The following RIT2 variants were observed in gnomAD, a reference collection of about 807,000 sequenced individuals.
RIT2 encodes the protein GTP-binding protein Rit2.
RIT2 carries 24 observed loss-of-function variants against 23.7 expected under a neutral mutation model. The ratio of observed to expected loss-of-function variants is 1.01; its 90% CI spans 0.73 to 1.43. The LOEUF (loss-of-function observed/expected upper bound fraction) is 1.43, where lower values mean the gene tolerates loss of function less well. Ranked by LOEUF, RIT2 falls within the 40% of genes most tolerant of loss-of-function variation. The pLI, the probability that RIT2 is intolerant of heterozygous loss-of-function variation, is 0.00. For synonymous variants in RIT2, 107 were observed against 91.1 expected, an observed-to-expected ratio of 1.17 and a Z score of -0.99; for missense variants, 236 against 266.9, an observed-to-expected ratio of 0.88 and a Z score of 0.81.
intron 1 of RIT2, among the ~76,000 whole-genome samples, chr18:43,110,041 A>C (rs1442559880): frequency 2.0e-5 from 3 of 152,130 alleles, no homozygotes; most frequent in African/African-American, 7.2e-5. Flanking sequence ...CTGTGCTTAG[A>C]TACCTCTCCT....
intron 4 of RIT2, among the ~76,000 whole-genome samples, chr18:42,803,262 T>C (rs1278831472): frequency 6.6e-6 from 1 of 152,222 alleles, no homozygotes; most frequent in Non-Finnish European, 1.5e-5. Context: ...TGCCAAATTT[T>C]CTCAGTCTCA....
At chr18:42,796,724 A>G (rs1206222815) in intron 4 of RIT2, among the ~76,000 whole-genome samples, 1 of 152,196 alleles carries the variant, frequency 6.6e-6, no homozygotes, top group East Asian at 1.9e-4. Context: ...TTCATGGAAG[A>G]GTTTCTGAAT....
intron 2 of RIT2, among the ~76,000 whole-genome samples, chr18:42,987,764 G>A (rs1395465916): frequency 6.6e-6 from 1 of 152,138 alleles, no homozygotes; most frequent in Non-Finnish European, 1.5e-5. Flanking sequence ...AAAAGCATGA[G>A]GTGAACATCT....
intron 2 of RIT2, among the ~76,000 whole-genome samples, chr18:43,011,018 G>T (rs576382074): frequency 6.6e-6 from 1 of 151,884 alleles, no homozygotes; most frequent in Admixed American, 6.6e-5. Context: ...TGCAAGAAAA[G>T]ATAACGGTTA....
chr18:42,787,136 C>T (rs1257668624), intron 4 of RIT2, among the ~76,000 whole-genome samples: 8 of 105,958 alleles, frequency 7.6e-5, no homozygotes, highest in African/African-American at 2.6e-4. Flanking sequence ...CCCCTCCCCC[C>T]ACCCCACGAC....
chr18:42,847,305 A>G (rs1906936905), intron 4 of RIT2, among the ~76,000 whole-genome samples: 1 of 152,184 alleles, frequency 6.6e-6, no homozygotes, highest in African/African-American at 2.4e-5. Context: ...CCTGACAACC[A>G]TAATCATTCA....
intron 1 of RIT2, among the ~76,000 whole-genome samples, chr18:43,095,699 CT>C (rs1167639224): frequency 4.6e-5 from 7 of 151,928 alleles, no homozygotes; most frequent in Admixed American, 2.6e-4. Flanking sequence ...ACTTACTTAT[CT>C]GCAGTATAAC....
At chr18:43,057,798 C>CTTTTTTTTTTTT (rs11393575) in intron 1 of RIT2, among the ~76,000 whole-genome samples, 5,609 of 121,482 alleles carry the variant, frequency 0.046, 449 homozygotes, top group Non-Finnish European at 0.058. Flanking sequence ...GTGATGGACA[C>CTTTTTTTTTTTT]TTTTTTTTTT....
intron 4 of RIT2, among the ~76,000 whole-genome samples, chr18:42,750,748 A>C (rs2143882488): frequency 6.6e-6 from 1 of 151,958 alleles, no homozygotes. Flanking sequence ...GACTTGTATT[A>C]GTTTTTGGTT....
At chr18:42,862,018 T>G (rs895213582) in intron 4 of RIT2, among the ~76,000 whole-genome samples, 1 of 152,194 alleles carries the variant, frequency 6.6e-6, no homozygotes, top group Non-Finnish European at 1.5e-5. Context: ...GAGGAGAGGA[T>G]CTGGTATGTT....
chr18:42,921,533 A>T (rs1909056411), intron 4 of RIT2, among the ~76,000 whole-genome samples: 1 of 152,120 alleles, frequency 6.6e-6, no homozygotes, highest in Non-Finnish European at 1.5e-5. Context: ...CCTTTGTGAG[A>T]TCCTAAGTAT....
intron 4 of RIT2, among the ~76,000 whole-genome samples, chr18:42,816,489 A>T (rs1291109869): frequency 6.6e-6 from 1 of 152,188 alleles, no homozygotes; most frequent in Non-Finnish European, 1.5e-5. Flanking sequence ...GAGTCAAGAG[A>T]TGTATTATCT....
intron 3 of RIT2, among the ~76,000 whole-genome samples, chr18:42,937,858 A>G (rs1037660352): frequency 1.9e-4 from 29 of 152,198 alleles, no homozygotes; most frequent in African/African-American, 6.8e-4. Context: ...TAGGGAGATA[A>G]GAGGATAAAT....
intron 1 of RIT2, among the ~76,000 whole-genome samples, chr18:43,051,303 T>C (rs1912377852): frequency 6.6e-6 from 1 of 152,142 alleles, no homozygotes; most frequent in Non-Finnish European, 1.5e-5. Flanking sequence ...GGGGAGAGAT[T>C]TTTCCATTAC....
chr18:42,768,128 AT>A (rs534781138), intron 4 of RIT2, among the ~76,000 whole-genome samples: 1 of 152,086 alleles, frequency 6.6e-6, no homozygotes, highest in Admixed American at 6.6e-5. Context: ...AGATGCAGTG[AT>A]TTTTTAAATA....
Position 42,830,609 on chromosome 18 carries a change from A to C in RIT2, c.427-86889T>G, listed in dbSNP as rs74996794. Among the ~76,000 whole-genome samples, 845 of 152,290 alleles carry C rather than the reference A, an allele frequency of 5.5e-3. 5 individuals are homozygous for C. Among genetic ancestry groups the C allele is most frequent in the African/African-American group, 0.019 (805 of 41,554 alleles). On this transcript the variant is annotated intron_variant, in intron 4 of 4. Transcript: ENST00000326695. ...ATAGAGCCAAGCTCTACAGGAACTA[A>C]ATCAAGACAGGAATTTACTAATAAT...
At chr18:43,047,392 T>C (rs962665409) in intron 1 of RIT2, among the ~76,000 whole-genome samples, 1 of 152,146 alleles carries the variant, frequency 6.6e-6, no homozygotes, top group East Asian at 1.9e-4. Context: ...AAATTAATGC[T>C]GTGCTTAATC....
chr18:43,007,815 T>G (rs1031749659), intron 2 of RIT2, among the ~76,000 whole-genome samples: 1 of 151,742 alleles, frequency 6.6e-6, no homozygotes, highest in African/African-American at 2.4e-5. Flanking sequence ...CTCAAGCAAT[T>G]AATTATCTTG....
chr18:42,749,318 T>C (rs1300872891), intron 4 of RIT2, among the ~76,000 whole-genome samples: 3 of 151,926 alleles, frequency 2.0e-5, no homozygotes, highest in Non-Finnish European at 2.9e-5. Flanking sequence ...GGACTATCTC[T>C]AGCTTTATTC....
Sources: gnomAD v4.1 joint callset for allele counts (sites outside exome capture counted in the v4.1 genomes callset) on GRCh38, gnomAD v4.1.1 for gene constraint, MANE v1.5 for transcripts, NCBI Gene and HGNC (gene_info 2026-07-23, HGNC 2026-07-21) for gene names.